The following TNNI3K variants were observed in gnomAD, a reference collection of about 807,000 sequenced individuals.
TNNI3K encodes TNNI3 interacting kinase.
In TNNI3K, 140 loss-of-function variants were observed where a neutral mutation model predicts 114.5. That is an observed-to-expected ratio of 1.22 (90% CI 1.07 to 1.41). TNNI3K has a LOEUF of 1.41. TNNI3K is among the 40% of genes most tolerant of loss of function. TNNI3K has a pLI of 0.00. For synonymous variants in TNNI3K, 347 were observed against 347.5 expected (o/e 1.00, Z 0.02); for missense variants, 1,125 against 1,007.6 (o/e 1.12, Z -1.58).
At chr1:74,281,333 G>GGTGTGT (rs1557471487) in intron 5 of TNNI3K, among the ~76,000 whole-genome samples, 2 of 20,016 alleles carry the variant, frequency 1.0e-4, no homozygotes, top group Admixed American at 6.5e-4. Context: ...CACAATAATA[G>GGTGTGT]ATGTGTGTGT....
intron 20 of TNNI3K, among the ~76,000 whole-genome samples, chr1:74,452,552 C>T (rs1667071597): frequency 6.6e-6 from 1 of 152,140 alleles, no homozygotes; most frequent in Non-Finnish European, 1.5e-5. Context: ...CTGCTACTTC[C>T]TTATTTCACA....
At chr1:74,462,138 C>A (rs2100719753) in intron 20 of TNNI3K, among the ~76,000 whole-genome samples, 2 of 152,220 alleles carry the variant, frequency 1.3e-5, no homozygotes, top group Middle Eastern at 6.8e-3. Flanking sequence ...TTTTAAACTT[C>A]TACAAGGAAG....
intron 23 of TNNI3K, among the ~76,000 whole-genome samples, chr1:74,509,113 G>GCTCT (rs1670053554): frequency 1.3e-5 from 2 of 152,076 alleles, no homozygotes; most frequent in Admixed American, 1.3e-4. Context: ...TATTCTCTTT[G>GCTCT]AGATAGTAGA....
chr1:74,495,280 C>G (rs1012581169), intron 23 of TNNI3K, among the ~76,000 whole-genome samples: 18 of 152,170 alleles, frequency 1.2e-4, no homozygotes, highest in Non-Finnish European at 2.2e-4. Context: ...AATCCTTGCA[C>G]TACTTAAAAT....
chr1:74,406,818 T>C (rs906189694), intron 17 of TNNI3K, among the ~76,000 whole-genome samples: 1 of 152,346 alleles, frequency 6.6e-6, no homozygotes, highest in East Asian at 1.9e-4. Flanking sequence ...GAATGGCCTA[T>C]GCCATTTACT....
chr1:74,465,968 A>G (rs1236660280), intron 21 of TNNI3K, among the ~76,000 whole-genome samples: 1 of 152,138 alleles, frequency 6.6e-6, no homozygotes, highest in African/African-American at 2.4e-5. Flanking sequence ...GTATTGTGGA[A>G]GCTATGATTT....
At chr1:74,335,939 C>CTTACTGCCAAAAGTTTTGCATTA in intron 6 of TNNI3K, 72 bp from the exon 7 acceptor site, 1 of 1,483,120 alleles carries the variant, frequency 6.7e-7, no homozygotes, top group Non-Finnish European at 8.9e-7. Flanking sequence ...CAGTTGTGTT[C>CTTACTGCCAAAAGTTTTGCATTA]TTGTATACTG....
chr1:74,450,126 G>C (rs1249040092), intron 20 of TNNI3K, among the ~76,000 whole-genome samples: 1 of 144,942 alleles, frequency 6.9e-6, no homozygotes, highest in Non-Finnish European at 1.5e-5. Context: ...CAACTACATG[G>C]AAACTGAACA....
At chr1:74,527,379 C>T (rs1514174) in intron 23 of TNNI3K, among the ~76,000 whole-genome samples, 66,887 of 152,096 alleles carry the variant, frequency 0.44, 16,155 homozygotes, top group Non-Finnish European at 0.56. Context: ...TTAATCCATA[C>T]TTACTGAGAA....
chr1:74,239,036 GA>G (rs1353659049), intron 2 of TNNI3K, among the ~76,000 whole-genome samples: 5 of 152,024 alleles, frequency 3.3e-5, no homozygotes, highest in Non-Finnish European at 5.9e-5. Context: ...TATACTTCTA[GA>G]AAGATATCCA....
intron 5 of TNNI3K, among the ~76,000 whole-genome samples, chr1:74,280,315 G>A (rs1379472890): frequency 1.3e-5 from 2 of 152,022 alleles, no homozygotes; most frequent in Non-Finnish European, 2.9e-5. Context: ...CTGGGAGGCG[G>A]AGCTTGCAGT....
intron 23 of TNNI3K, among the ~76,000 whole-genome samples, chr1:74,527,873 A>C (rs1209544991): frequency 6.6e-6 from 1 of 152,046 alleles, no homozygotes; most frequent in Non-Finnish European, 1.5e-5. Flanking sequence ...AGGTGTGGAG[A>C]ATGTCTATGT....
chr1:74,407,288 G>A (rs534722351), intron 17 of TNNI3K, among the ~76,000 whole-genome samples: 1 of 152,204 alleles, frequency 6.6e-6, no homozygotes, highest in South Asian at 2.1e-4. Flanking sequence ...CTCCTCGGAA[G>A]ATATAATTGT....
intron 23 of TNNI3K, among the ~76,000 whole-genome samples, chr1:74,521,846 T>C (rs1453461177): frequency 6.6e-6 from 1 of 152,186 alleles, no homozygotes. Context: ...TGAGAATAAG[T>C]CAGAATTTCT....
At chr1:74,237,801 AG>A (rs1167567928) in intron 2 of TNNI3K, among the ~76,000 whole-genome samples, 1 of 151,998 alleles carries the variant, frequency 6.6e-6, no homozygotes, top group Non-Finnish European at 1.5e-5. Context: ...CTCGTATTCA[AG>A]TGTTGTTCTG....
chr1:74,439,767 G>T, intron 20 of TNNI3K, 145 bp downstream of exon 20: 1 of 1,291,184 alleles, frequency 7.7e-7, no homozygotes, highest in Non-Finnish European at 1.0e-6. Flanking sequence ...ATTGTTTTAA[G>T]GTGTGTGCCC....
chr1:74,416,838 C>T (rs554460187), intron 17 of TNNI3K, among the ~76,000 whole-genome samples: 2 of 152,034 alleles, frequency 1.3e-5, no homozygotes, highest in Non-Finnish European at 2.9e-5. Context: ...CTATTTTCTA[C>T]TTATTTCTTC....
chr1:74,264,158 T>G (rs887501097), intron 4 of TNNI3K, among the ~76,000 whole-genome samples: 1 of 151,440 alleles, frequency 6.6e-6, no homozygotes, highest in East Asian at 1.9e-4. Flanking sequence ...TTACTTCTCT[T>G]TTTTTCTTTT....
chr1:74,534,974 A>G (rs1646642119), intron 23 of TNNI3K, among the ~76,000 whole-genome samples: 1 of 152,184 alleles, frequency 6.6e-6, no homozygotes, highest in Non-Finnish European at 1.5e-5. Flanking sequence ...GACAAAAGCT[A>G]CTAACAGCAC....
Sources: gnomAD v4.1 joint callset for allele counts (sites outside exome capture counted in the v4.1 genomes callset) on GRCh38, gnomAD v4.1.1 for gene constraint, MANE v1.5 for transcripts, NCBI Gene and HGNC (gene_info 2026-07-23, HGNC 2026-07-21) for gene names.